CCDC60: variants seen among roughly 807,000 people sequenced by gnomAD.
The protein encoded by CCDC60 is coiled-coil domain containing 60.
CCDC60 carries 54 observed loss-of-function variants against 63.5 expected under a neutral mutation model. That is an observed-to-expected ratio of 0.85 (90% CI 0.68 to 1.07). The LOEUF is 1.07. Ranked by LOEUF, CCDC60 falls within the 50% of genes least tolerant of loss-of-function variation. The pLI is 0.00. For synonymous variants in CCDC60, 206 were observed against 238.8 expected (o/e 0.86, Z 1.27); for missense variants, 651 against 684.3 (o/e 0.95, Z 0.54).
At chr12:119,495,201 A>G (rs1951693160) in intron 5 of CCDC60, among the ~76,000 whole-genome samples, 1 of 152,202 alleles carries the variant, frequency 6.6e-6, no homozygotes, top group Non-Finnish European at 1.5e-5. Flanking sequence ...CCTTGCTGCA[A>G]AGTATGGGTG....
intron 2 of CCDC60, among the ~76,000 whole-genome samples, chr12:119,432,489 G>C (rs1950248290): frequency 6.6e-6 from 1 of 152,196 alleles, no homozygotes; most frequent in Non-Finnish European, 1.5e-5. Flanking sequence ...CTTACTAGCT[G>C]AGTATTATCA....
At chr12:119,355,017 G>A (rs981332629) in intron 1 of CCDC60, among the ~76,000 whole-genome samples, 6 of 152,156 alleles carry the variant, frequency 3.9e-5, no homozygotes, top group Admixed American at 3.3e-4. Context: ...TGGCTATCAG[G>A]CACAGTATGA....
At chr12:119,368,883 T>C (rs1324483763) in intron 1 of CCDC60, among the ~76,000 whole-genome samples, 2 of 152,220 alleles carry the variant, frequency 1.3e-5, no homozygotes, top group Non-Finnish European at 2.9e-5. Flanking sequence ...TCTCTTTCTA[T>C]GCTGGTGATA....
chr12:119,379,461 T>C (rs1474339100), intron 1 of CCDC60, among the ~76,000 whole-genome samples: 1 of 152,214 alleles, frequency 6.6e-6, no homozygotes, highest in Admixed American at 6.5e-5. Flanking sequence ...TTCTGCACTT[T>C]GTTGGGTTAC....
chr12:119,444,621 A>G (rs1267922405), intron 2 of CCDC60, among the ~76,000 whole-genome samples: 1 of 152,184 alleles, frequency 6.6e-6, no homozygotes, highest in African/African-American at 2.4e-5. Context: ...TGTGTCCTCC[A>G]CTGCCATTGC....
At chr12:119,350,424 G>T (rs755696313) in intron 1 of CCDC60, among the ~76,000 whole-genome samples, 2 of 151,874 alleles carry the variant, frequency 1.3e-5, no homozygotes, top group African/African-American at 4.8e-5. Flanking sequence ...GTAGAGACAG[G>T]GTTTTTCCAT....
intron 8 of CCDC60, among the ~76,000 whole-genome samples, chr12:119,519,645 T>C (rs1242628408): frequency 6.6e-6 from 1 of 151,728 alleles, no homozygotes; most frequent in Non-Finnish European, 1.5e-5. Flanking sequence ...ATATTTTTAG[T>C]AGAGACAGGG....
At chr12:119,398,926 T>A (rs1382622484) in intron 1 of CCDC60, among the ~76,000 whole-genome samples, 1 of 152,218 alleles carries the variant, frequency 6.6e-6, no homozygotes, top group Non-Finnish European at 1.5e-5. Context: ...TTAGCTGTAA[T>A]TCTCATATCT....
chr12:119,449,577 T>G (rs1950595431), intron 2 of CCDC60, among the ~76,000 whole-genome samples: 1 of 152,220 alleles, frequency 6.6e-6, no homozygotes. Context: ...TAGCATTAAA[T>G]TCAAGAATTT....
At chr12:119,370,500 A>G (rs1011338497) in intron 1 of CCDC60, among the ~76,000 whole-genome samples, 2 of 152,192 alleles carry the variant, frequency 1.3e-5, no homozygotes, top group African/African-American at 4.8e-5. Flanking sequence ...GTATGGATGG[A>G]TGAGAGAAGG....
In CCDC60 at chr12:119,491,473, T is replaced by C. The variant is rs376397447; in HGVS notation, c.557+2607T>C. Among the ~76,000 whole-genome samples, 18 of 152,104 alleles carry C rather than the reference T, an allele frequency of 1.2e-4. No homozygotes were observed. In the East Asian group the frequency reaches 1.9e-3, roughly 16 times the overall value. On this transcript the variant is annotated intron_variant, in intron 5 of 13. Coordinates refer to ENST00000327554, the MANE Select transcript of CCDC60 (RefSeq NM_178499.5). ...CCTCCTGAGCAGCTGGGACTACAGGTGCCCGCCACCACGCCCGGCTAATTT... is the reference window on the plus strand; with the variant it reads ...CCTCCTGAGCAGCTGGGACTACAGGCGCCCGCCACCACGCCCGGCTAATTT...
At chr12:119,534,210 G>T (rs891123405) in intron 13 of CCDC60, among the ~76,000 whole-genome samples, 1 of 151,898 alleles carries the variant, frequency 6.6e-6, no homozygotes, top group Admixed American at 6.6e-5. Flanking sequence ...CCATGATTTG[G>T]CTCTCTGTCT....
At chr12:119,478,603 C>CTTTTT (rs35215523) in intron 3 of CCDC60, among the ~76,000 whole-genome samples, 4 of 87,074 alleles carry the variant, frequency 4.6e-5, no homozygotes, top group South Asian at 5.1e-4. Flanking sequence ...AAGGCAGGGA[C>CTTTTT]TTTTTTTTTT....
rs1474583522 is a variant in CCDC60 at position 119,456,756 on chromosome 12, A to G, written c.171-15238A>G. ...TGTAGGGTAACTTCCTGACATTGCCATGGCATTGGTAAACTGTCATGGCGC... is the reference window on the plus strand; with the variant it reads ...TGTAGGGTAACTTCCTGACATTGCCGTGGCATTGGTAAACTGTCATGGCGC... On this transcript the variant is annotated intron_variant, in intron 2 of 13. Coordinates refer to ENST00000327554, the MANE Select transcript of CCDC60 (RefSeq NM_178499.5). The surrounding 1 kb of genome is among the most constrained non-coding windows in gnomAD (Gnocchi z 4.6). 6.6e-6 allele frequency among the ~76,000 whole-genome samples: 1 copy of G among 152,192 alleles called. No individual in the cohort carries two copies. Among genetic ancestry groups the G allele is most frequent in the Non-Finnish European group, 1.5e-5 (1 of 68,020 alleles).
At chr12:119,474,760 A>G (rs1194767025) in intron 3 of CCDC60, among the ~76,000 whole-genome samples, 2 of 152,166 alleles carry the variant, frequency 1.3e-5, no homozygotes, top group East Asian at 3.9e-4. Context: ...TAATCCCAGC[A>G]CTTAGGGAGG....
chr12:119,527,275 TGGGAGGAGG>T (rs1227134159), intron 11 of CCDC60, among the ~76,000 whole-genome samples: 2 of 149,412 alleles, frequency 1.3e-5, no homozygotes, highest in Non-Finnish European at 3.0e-5. Flanking sequence ...GGGGGGATGG[TGGGAGGAGG>T]GGGAGGAGCA....
At chr12:119,370,109 G>A (rs544491995) in intron 1 of CCDC60, among the ~76,000 whole-genome samples, 1 of 152,278 alleles carries the variant, frequency 6.6e-6, no homozygotes, top group South Asian at 2.1e-4. Flanking sequence ...GTTCCAACAT[G>A]CCTGAACCTG....
intron 5 of CCDC60, among the ~76,000 whole-genome samples, chr12:119,499,103 C>T (rs1951784671): frequency 6.6e-6 from 1 of 152,172 alleles, no homozygotes; most frequent in Non-Finnish European, 1.5e-5. Flanking sequence ...TTAGCCCCCT[C>T]AGAGGGATTA....
chr12:119,368,802 C>T (rs1032333650), intron 1 of CCDC60, among the ~76,000 whole-genome samples: 3 of 152,202 alleles, frequency 2.0e-5, no homozygotes, highest in African/African-American at 7.2e-5. Flanking sequence ...CTCTGTGCTT[C>T]GGTTCAGGCC....
Sources: allele counts gnomAD v4.1 joint callset (sites outside exome capture counted in the v4.1 genomes callset), GRCh38; gene constraint gnomAD v4.1.1; non-coding constraint Gnocchi (gnomAD v3.1); transcripts MANE v1.5; gene names NCBI Gene and HGNC (gene_info 2026-07-23, HGNC 2026-07-21).